ST8SIA1: variants seen among roughly 807,000 people sequenced by gnomAD.
ST8SIA1 encodes alpha-N-acetylneuraminide alpha-2,8-sialyltransferase.
In ST8SIA1, 16 loss-of-function variants were observed where a neutral mutation model predicts 35.9. The ratio of observed to expected loss-of-function variants is 0.45; its 90% CI spans 0.30 to 0.68. ST8SIA1 has a LOEUF of 0.68. ST8SIA1 is among the 30% of genes least tolerant of loss of function. ST8SIA1 has a pLI of 0.09. For synonymous variants in ST8SIA1, 170 were observed against 169.6 expected, an observed-to-expected ratio of 1.00 and a Z score of -0.02; for missense variants, 383 against 453.6, an observed-to-expected ratio of 0.84 and a Z score of 1.41.
At position 22,229,054 on chromosome 12, in the gene ST8SIA1, C is replaced by CAAA. The variant is rs11463657; in HGVS notation, c.584+19949_584+19951dup. 2.7e-3 allele frequency among the ~76,000 whole-genome samples: 272 copies of CAAA among 101,744 alleles called. 5 individuals are homozygous for CAAA. The highest frequency in any genetic ancestry group is 6.3e-3 in the Admixed American group (55 of 8,714). The allele number at this position is 101,744 out of a possible 152,430, so 66.7% of individuals were successfully genotyped here. A position where few individuals can be genotyped will look rare whatever the true frequency, so the allele number is the denominator to read the frequency against. On this transcript the variant is annotated intron_variant, in intron 4 of 4. Coordinates refer to ENST00000396037, the MANE Select transcript of ST8SIA1 (RefSeq NM_003034.4). Reference sequence around the variant, plus strand: ...GGGTGACAGAGCAAGACTCCATCTCCAAAAAAAAAAAAAAAAAAAGTAATG... The same window carrying CAAA: ...GGGTGACAGAGCAAGACTCCATCTCCAAAAAAAAAAAAAAAAAAAAAAGTAATG...
chr12:22,209,613 T>A (rs1183217517), intron 4 of ST8SIA1, among the ~76,000 whole-genome samples: 2 of 152,166 alleles, frequency 1.3e-5, no homozygotes, highest in Non-Finnish European at 2.9e-5. Context: ...GACCCTGCAT[T>A]TCCAGTTCTC....
intron 2 of ST8SIA1, among the ~76,000 whole-genome samples, chr12:22,278,174 T>C (rs538161694): frequency 3.2e-4 from 49 of 152,348 alleles, no homozygotes; most frequent in African/African-American, 1.2e-3. Context: ...AATCAATGTG[T>C]AAGGCAATCT....
intron 1 of ST8SIA1, among the ~76,000 whole-genome samples, chr12:22,298,010 C>T (rs1455436901): frequency 6.6e-6 from 1 of 152,102 alleles, no homozygotes; most frequent in Non-Finnish European, 1.5e-5. Context: ...TTTAATCAAT[C>T]ATGCCTACAT....
chr12:22,242,986 G>A (rs1234400677), intron 4 of ST8SIA1, among the ~76,000 whole-genome samples: 1 of 152,116 alleles, frequency 6.6e-6, no homozygotes, highest in East Asian at 1.9e-4. Context: ...AACAAAGGCT[G>A]TAGCAAAGCT....
chr12:22,260,226 A>G (rs1865773840), intron 2 of ST8SIA1, among the ~76,000 whole-genome samples: 1 of 151,152 alleles, frequency 6.6e-6, no homozygotes, highest in Admixed American at 6.6e-5. Flanking sequence ...CAATGGTGCC[A>G]TCACGGCTCA....
intron 4 of ST8SIA1, among the ~76,000 whole-genome samples, chr12:22,243,122 T>C (rs1034779954): frequency 5.3e-5 from 8 of 152,218 alleles, no homozygotes; most frequent in African/African-American, 1.9e-4. Flanking sequence ...GTATGCTTAA[T>C]TTTTCTAAAA....
intron 1 of ST8SIA1, among the ~76,000 whole-genome samples, chr12:22,319,055 C>T (rs1285315582): frequency 6.6e-6 from 1 of 152,208 alleles, no homozygotes; most frequent in South Asian, 2.1e-4. Context: ...TAGCTCTGGG[C>T]ATTACTGACT....
chr12:22,252,231 C>T (rs1404194978), intron 3 of ST8SIA1, among the ~76,000 whole-genome samples: 2 of 152,194 alleles, frequency 1.3e-5, no homozygotes, highest in Non-Finnish European at 2.9e-5. Context: ...TCACTGTGTA[C>T]AGGCAGTGCT....
intron 4 of ST8SIA1, among the ~76,000 whole-genome samples, chr12:22,225,672 C>T (rs1865348845): frequency 6.6e-6 from 1 of 152,200 alleles, no homozygotes; most frequent in Non-Finnish European, 1.5e-5. Flanking sequence ...TAAGGCAACT[C>T]TATAACTGTT....
In ST8SIA1 at chr12:22,318,218, A is replaced by G. The variant is rs182186225; in HGVS notation, c.236+15779T>C. On this transcript the variant is annotated intron_variant, in intron 1 of 4. Transcript: ENST00000396037. The stretch of plus-strand genomic sequence containing the variant: ...AATAACTCAAAACATTATCACATAG[A>G]TTCCACTTCAGAGACAGTGACTGTA... 2.2e-3 allele frequency among the ~76,000 whole-genome samples: 335 copies of G among 152,370 alleles called. 4 individuals are homozygous for G. The highest frequency in any genetic ancestry group is 7.8e-3 in the African/African-American group (324 of 41,596).
intron 1 of ST8SIA1, among the ~76,000 whole-genome samples, chr12:22,307,280 C>A (rs1866397767): frequency 6.6e-6 from 1 of 152,120 alleles, no homozygotes; most frequent in African/African-American, 2.4e-5. Context: ...GGGACTCAGC[C>A]ATTTCACAAA....
chr12:22,249,309 G>A (rs529813882), intron 3 of ST8SIA1, among the ~76,000 whole-genome samples: 17 of 148,560 alleles, frequency 1.1e-4, no homozygotes, highest in Admixed American at 7.6e-4. Context: ...AGCTCCACCT[G>A]CCGGGTTCAC....
chr12:22,300,225 T>A (rs1315712929), intron 1 of ST8SIA1, among the ~76,000 whole-genome samples: 1 of 152,142 alleles, frequency 6.6e-6, no homozygotes, highest in East Asian at 1.9e-4. Flanking sequence ...AATTAAAGCC[T>A]CATCTCCAGG....
At position 22,257,435 on chromosome 12, in the gene ST8SIA1, G is replaced by A. The variant is rs1282210135; in HGVS notation, c.382-2046C>T. Among the ~76,000 whole-genome samples the A allele has an allele frequency of 2.8e-5, 4 of 144,956 alleles. No individual in the cohort carries two copies. The Admixed American group carries it at 2.8e-4, about 10-fold the overall frequency. ...GATAGGGTTTCACCATGTTGGCTAG[G>A]CTAATCTCAAACTCCTGACTTCAGG... is the stretch of plus-strand genomic sequence containing the variant. On this transcript the variant is annotated intron_variant, in intron 2 of 4. Coordinates refer to ENST00000396037, the MANE Select transcript of ST8SIA1 (RefSeq NM_003034.4).
At chr12:22,303,132 A>T (rs1391811308) in intron 1 of ST8SIA1, among the ~76,000 whole-genome samples, 1 of 152,122 alleles carries the variant, frequency 6.6e-6, no homozygotes, top group African/African-American at 2.4e-5. Flanking sequence ...GGTAACCACA[A>T]AGAGATTCTA....
intron 2 of ST8SIA1, among the ~76,000 whole-genome samples, chr12:22,285,017 C>G (rs3782523): frequency 0.051 from 7,701 of 152,270 alleles, 311 homozygotes; most frequent in South Asian, 0.17. Flanking sequence ...CTTCCTCATG[C>G]CACAACTAGT....
At chr12:22,280,483 T>C (rs904272225) in intron 2 of ST8SIA1, among the ~76,000 whole-genome samples, 1 of 152,120 alleles carries the variant, frequency 6.6e-6, no homozygotes. Context: ...TTCTTTTCAA[T>C]TATTCCCAGG....
chr12:22,225,904 G>A (rs575724291), intron 4 of ST8SIA1, among the ~76,000 whole-genome samples: 1 of 152,108 alleles, frequency 6.6e-6, no homozygotes, highest in Non-Finnish European at 1.5e-5. Flanking sequence ...TGAATTGGCC[G>A]TGGGGGCGGC....
intron 4 of ST8SIA1, among the ~76,000 whole-genome samples, chr12:22,208,135 CA>C (rs71053390): frequency 0.042 from 4,107 of 97,808 alleles, 45 homozygotes; most frequent in African/African-American, 0.049. Context: ...GTCTGTCTCA[CA>C]AAAAAAAAAA....
Sources: allele counts gnomAD v4.1 joint callset (sites outside exome capture counted in the v4.1 genomes callset), GRCh38; gene constraint gnomAD v4.1.1; transcripts MANE v1.5; gene names NCBI Gene and HGNC (gene_info 2026-07-23, HGNC 2026-07-21).